Variants in CPNE5 observed in about 807,000 individuals in gnomAD.
CPNE5 encodes copine 5.
In CPNE5, 42 loss-of-function variants were observed where a neutral mutation model predicts 81.1. The ratio of observed to expected loss-of-function variants is 0.52; its 90% CI spans 0.40 to 0.67. The LOEUF is 0.67. Among genes scored for constraint, CPNE5 ranks in the 30% least tolerant of loss-of-function variants. CPNE5 has a pLI of 0.00. For missense variants in CPNE5, 612 were observed against 815.5 expected (o/e 0.75, Z 3.04); for synonymous variants, 313 against 321.5 (o/e 0.97, Z 0.28).
chr6:36,802,013 G>A (rs2150533780), intron 3 of CPNE5, among the ~76,000 whole-genome samples: 1 of 152,210 alleles, frequency 6.6e-6, no homozygotes, highest in South Asian at 2.1e-4. Context: ...GAGGTCAAGA[G>A]ATCGAGACCA....
intron 10 of CPNE5, among the ~76,000 whole-genome samples, chr6:36,769,160 A>G (rs1179696941): frequency 1.3e-5 from 2 of 152,318 alleles, no homozygotes; most frequent in East Asian, 3.9e-4. Flanking sequence ...TGCCTAGCCT[A>G]TATCAGGTGC....
intron 3 of CPNE5, among the ~76,000 whole-genome samples, chr6:36,818,369 A>G (rs908997578): frequency 6.6e-6 from 1 of 151,876 alleles, no homozygotes; most frequent in Admixed American, 6.6e-5. Flanking sequence ...CCAGGCTGCA[A>G]CTCTAGTTCC....
chr6:36,817,366 C>A (rs1168352346), intron 3 of CPNE5, among the ~76,000 whole-genome samples: 1 of 152,108 alleles, frequency 6.6e-6, no homozygotes, highest in Non-Finnish European at 1.5e-5. Context: ...ACAGCATGTG[C>A]CCTAGGGGTG....
chr6:36,834,567 A>G (rs1186724249), intron 1 of CPNE5, among the ~76,000 whole-genome samples: 1 of 151,728 alleles, frequency 6.6e-6, no homozygotes, highest in East Asian at 1.9e-4. Flanking sequence ...GAGGCAGGAG[A>G]ATCGCTTGAA....
At position 36,778,893 on chromosome 6, in the gene CPNE5, T is replaced by G. The variant is rs1346313131; in HGVS notation, c.593A>C (p.Asp198Ala). Residue 198 changes from aspartate (D) to alanine (A), a missense_variant, in exon 9 of 21, where the codon GAC (aspartate) becomes GCC (alanine). Transcript: ENST00000244751. The part of the protein sequence containing the change: ...LDKKDFFGKS[D>A]PFLVFYRSNE... Reference sequence around the variant, plus strand: ...GCTTCTGTAGAATACCAAGAAGGGGTCAGATTTCCCAAAGAAATCTTTCTT... The same window carrying G: ...GCTTCTGTAGAATACCAAGAAGGGGGCAGATTTCCCAAAGAAATCTTTCTT... 1 of 1,605,242 alleles carries G rather than the reference T, an allele frequency of 6.2e-7. No individual in the cohort carries two copies. The highest frequency in any genetic ancestry group is 8.5e-7 in the Non-Finnish European group (1 of 1,172,980).
intron 8 of CPNE5, among the ~76,000 whole-genome samples, chr6:36,786,992 A>G (rs1340352107): frequency 6.6e-6 from 1 of 152,126 alleles, no homozygotes; most frequent in Admixed American, 6.5e-5. Context: ...CAGATAGATT[A>G]TTTCTAAGAC....
intron 3 of CPNE5, among the ~76,000 whole-genome samples, chr6:36,814,836 T>A (rs1282676159): frequency 6.6e-6 from 1 of 152,124 alleles, no homozygotes; most frequent in Non-Finnish European, 1.5e-5. Flanking sequence ...AGGATTGTTG[T>A]GAGGATTCAT....
At chr6:36,820,992 T>C (rs1370319237) in intron 3 of CPNE5, among the ~76,000 whole-genome samples, 2 of 149,722 alleles carry the variant, frequency 1.3e-5, no homozygotes, top group Non-Finnish European at 3.0e-5. Context: ...TGAGAAAAAG[T>C]GATACAGAGA....
chr6:36,752,987 C>G, intron 14 of CPNE5, 47 bp downstream of exon 14: 1 of 1,506,822 alleles, frequency 6.6e-7, no homozygotes, highest in Non-Finnish European at 9.2e-7. Context: ...GTGTGGGGCC[C>G]TTTCCCTCTC....
At chr6:36,761,804 G>C (rs150256562) in intron 12 of CPNE5, among the ~76,000 whole-genome samples, 150 of 152,274 alleles carry the variant, frequency 9.9e-4, no homozygotes, top group African/African-American at 3.6e-3. Flanking sequence ...GCAGTTATTT[G>C]GGTTATAAGT....
intron 3 of CPNE5, among the ~76,000 whole-genome samples, chr6:36,805,304 C>T (rs1012194961): frequency 5.9e-5 from 9 of 152,238 alleles, no homozygotes; most frequent in Non-Finnish European, 1.2e-4. Flanking sequence ...CCCCTCACCA[C>T]CCGTAATACA....
intron 12 of CPNE5, among the ~76,000 whole-genome samples, chr6:36,758,932 G>A (rs1468150836): frequency 6.6e-6 from 1 of 152,224 alleles, no homozygotes; most frequent in Non-Finnish European, 1.5e-5. Flanking sequence ...ATGGTGAGGT[G>A]CTCACGGACA....
At chr6:36,826,472 A>G (rs1772511388) in intron 1 of CPNE5, among the ~76,000 whole-genome samples, 1 of 152,146 alleles carries the variant, frequency 6.6e-6, no homozygotes, top group Non-Finnish European at 1.5e-5. Context: ...ACACTGATGG[A>G]CAGCTACTTC....
At chr6:36,834,174 G>A (rs1007079890) in intron 1 of CPNE5, among the ~76,000 whole-genome samples, 9 of 146,344 alleles carry the variant, frequency 6.1e-5, no homozygotes, top group Non-Finnish European at 1.2e-4. Context: ...CAGGAGGATC[G>A]CTTGAGCCCA....
rs1232446238 is a variant in CPNE5, at chr6:36,746,572, G to T, written c.1024C>A (p.Pro342Thr). The change falls in exon 16 of 21, where the codon CCC (proline) becomes ACC (threonine). Residue 342 changes from proline to threonine, a missense_variant. Pro to Thr is a conservative substitution (Grantham distance 38). Transcript: ENST00000244751. The surrounding 1 kb of genome is among the most constrained non-coding windows in gnomAD (Gnocchi z 4.5). The part of the protein sequence containing the change: ...AIDFTASNGN[P>T]SQSTSLHYMS... ...TAGTGCAGGGATGTGGACTGTGAGG[G>T]GTTCCCTGTAACACAGGACATGGGA... The T allele has an allele frequency of 6.2e-7, 1 of 1,611,234 alleles. No homozygotes were observed. The highest frequency in any genetic ancestry group is 8.5e-7 in the Non-Finnish European group (1 of 1,178,746).
intron 8 of CPNE5, among the ~76,000 whole-genome samples, chr6:36,788,441 G>A (rs1000740949): frequency 2.0e-5 from 3 of 152,152 alleles, no homozygotes; most frequent in African/African-American, 4.8e-5. Context: ...GGCTCCAGGG[G>A]TGAGGGAAAG....
At chr6:36,781,729 T>C (rs1387788485) in intron 8 of CPNE5, among the ~76,000 whole-genome samples, 4 of 152,074 alleles carry the variant, frequency 2.6e-5, no homozygotes, top group African/African-American at 7.2e-5. Context: ...AGGGAAAACG[T>C]GGGGCCCCCT....
intron 3 of CPNE5, among the ~76,000 whole-genome samples, chr6:36,819,847 G>A (rs1278688079): frequency 6.6e-6 from 1 of 152,158 alleles, no homozygotes. Flanking sequence ...ATGGGCATGG[G>A]ATGAGGCTGC....
At chr6:36,827,534 T>C (rs1772608446) in intron 1 of CPNE5, 1 of 985,274 alleles carries the variant, frequency 1.0e-6, no homozygotes, top group Non-Finnish European at 1.2e-6. Flanking sequence ...GCCGTCCAAA[T>C]ACCACATGTT....
Sources: gnomAD v4.1 joint callset for allele counts (sites outside exome capture counted in the v4.1 genomes callset) on GRCh38, gnomAD v4.1.1 for gene constraint, Gnocchi (gnomAD v3.1) non-coding constraint, MANE v1.5 for transcripts, NCBI Gene and HGNC (gene_info 2026-07-23, HGNC 2026-07-21) for gene names.